Variants in CABIN1 observed in about 807,000 individuals in gnomAD.
CABIN1 encodes calcineurin-binding protein cabin-1.
CABIN1 carries 133 observed loss-of-function variants against 227.7 expected under a neutral mutation model. The ratio of observed to expected loss-of-function variants is 0.58; its 90% CI spans 0.51 to 0.67. The LOEUF (loss-of-function observed/expected upper bound fraction) is 0.67. Ranked by LOEUF, CABIN1 falls within the 30% of genes least tolerant of loss-of-function variation. The probability of loss-of-function intolerance (pLI) is 0.00; values close to 1 mark genes in which losing one functional copy is unlikely to be tolerated. For missense variants in CABIN1, 2,408 were observed against 2,852.5 expected, an observed-to-expected ratio of 0.84 and a Z score of 3.55; for synonymous variants, 1,086 against 1,155.1, an observed-to-expected ratio of 0.94 and a Z score of 1.21.
At position 24,166,933 on chromosome 22, in the gene CABIN1, G is replaced by A; in HGVS notation, c.5302G>A (p.Val1768Ile). 6.2e-7 allele frequency: 1 copy of A among 1,603,544 alleles called. No homozygotes were observed. The highest frequency in any genetic ancestry group is 8.5e-7 in the Non-Finnish European group (1 of 1,175,596). ...TEPMDTSEATVCHSDLERTPP... is the reference protein window; with the variant it reads ...TEPMDTSEATICHSDLERTPP... ...GCCCATGGACACGAGTGAGGCCACTGTTTGCCACTCAGACTTGGAGCGGAC... is the reference window on the plus strand; with the variant it reads ...GCCCATGGACACGAGTGAGGCCACTATTTGCCACTCAGACTTGGAGCGGAC... Residue 1768 changes from valine to isoleucine, a missense_variant, in exon 32 of 37, where the codon GTT becomes ATT. This residue lies in a region of CABIN1 where 714 missense variants were observed against 773.8 expected (regional missense o/e 0.92). Coordinates refer to ENST00000263119, the MANE Select transcript of CABIN1 (RefSeq NM_012295.4).
chr22:24,028,846 A>G (rs1248201134), intron 1 of CABIN1, among the ~76,000 whole-genome samples: 1 of 152,104 alleles, frequency 6.6e-6, no homozygotes, highest in Non-Finnish European at 1.5e-5. Flanking sequence ...TGGTACAAAG[A>G]TAAATAGGAC....
chr22:24,041,261 G>A lies in CABIN1; in HGVS notation c.333G>A (p.Glu111=), dbSNP rs1569109274. 26 of 1,614,110 alleles carry A rather than the reference G, an allele frequency of 1.6e-5. No individual in the cohort carries two copies. Among genetic ancestry groups the A allele is most frequent in the Non-Finnish European group, 2.2e-5 (26 of 1,180,048 alleles). ...GGGAGGATCTGGAGACAGCCATGGA[G>A]TTCTACTTAGAGGTGTGGTTTTGGC... is the stretch of plus-strand genomic sequence containing the variant. The part of the protein sequence containing the change: ...AQREDLETAM[E]FYLEAVMLDS... Residue 111 remains glutamate (E), a synonymous_variant, in exon 5 of 37, where the codon GAG becomes GAA. Coordinates refer to ENST00000263119, the MANE Select transcript of CABIN1 (RefSeq NM_012295.4).
chr22:24,119,228 G>A, intron 27 of CABIN1, 139 bp from the exon 28 acceptor site: 1 of 775,840 alleles, frequency 1.3e-6, no homozygotes. Flanking sequence ...CTGCTGCTGG[G>A]TCCAGCATCC....
At chr22:24,026,219 CTG>C (rs2036078426) in intron 1 of CABIN1, among the ~76,000 whole-genome samples, 1 of 152,170 alleles carries the variant, frequency 6.6e-6, no homozygotes, top group African/African-American at 2.4e-5. Flanking sequence ...AGCAATCATC[CTG>C]TGTTGGCCTC....
intron 19 of CABIN1, among the ~76,000 whole-genome samples, chr22:24,079,613 T>TTAGA (rs2040676165): frequency 4.6e-5 from 7 of 152,328 alleles, no homozygotes; most frequent in African/African-American, 1.4e-4. Flanking sequence ...TGGTATTTCA[T>TTAGA]TGTTCTTTAG....
chr22:24,059,053 A>T (rs371830571), intron 10 of CABIN1, among the ~76,000 whole-genome samples, 174 bp from the exon 11 acceptor site: 3 of 152,248 alleles, frequency 2.0e-5, no homozygotes, highest in African/African-American at 7.2e-5. Context: ...ATGCTGGCTC[A>T]TGAGGCCCTG....
At chr22:24,161,774 G>A (rs971278819) in intron 29 of CABIN1, among the ~76,000 whole-genome samples, 1 of 152,234 alleles carries the variant, frequency 6.6e-6, no homozygotes, top group Non-Finnish European at 1.5e-5. Flanking sequence ...ATGCAGTGGG[G>A]CTTCTGCTGT....
In CABIN1 at chr22:24,084,669, G is replaced by A. The variant is rs2041030060; in HGVS notation, c.3001G>A (p.Val1001Met). 5.0e-6 allele frequency: 8 copies of A among 1,614,104 alleles called. No individual in the cohort carries two copies. Among genetic ancestry groups the A allele is most frequent in the Non-Finnish European group, 6.8e-6 (8 of 1,179,988 alleles). Residue 1001 changes from valine to methionine, a missense_variant, in exon 21 of 37, where the codon GTG becomes ATG. This residue lies in a region of CABIN1 where 649 missense variants were observed against 910.3 expected (regional missense o/e 0.71). Transcript: ENST00000263119. ...PEFDSYKTST[V>M]SADLANLLKR... is the part of the protein sequence containing the mutation. ...ATTTGACAGCTATAAGACCAGCACCGTGTCTGCTGACTTGGCCAACCTACT... is the reference window on the plus strand; with the variant it reads ...ATTTGACAGCTATAAGACCAGCACCATGTCTGCTGACTTGGCCAACCTACT...
chr22:24,135,173 C>G (rs534047671), intron 29 of CABIN1, among the ~76,000 whole-genome samples: 182 of 152,118 alleles, frequency 1.2e-3, no homozygotes, highest in African/African-American at 4.3e-3. Flanking sequence ...GGCAGATCAT[C>G]TGAGGTCAGG....
At chr22:24,168,321 G>A (rs900454472) in intron 32 of CABIN1, 126 bp from the exon 33 acceptor site, 2 of 870,196 alleles carry the variant, frequency 2.3e-6, no homozygotes, top group Non-Finnish European at 1.9e-6. Context: ...CTGGGGTGTT[G>A]GGGGGCACCC....
intron 26 of CABIN1, among the ~76,000 whole-genome samples, chr22:24,110,637 A>C (rs1358410404): frequency 2.2e-4 from 1 of 4,482 alleles, no homozygotes; most frequent in African/African-American, 9.6e-4. Context: ...AAAAAAACAA[A>C]CCTTTTTTTT....
rs926481489 is a variant in CABIN1 at position 24,094,859 on chromosome 22, C to CATT, written c.3787-1071_3787-1069dup. Among the ~76,000 whole-genome samples, 7 of 150,186 alleles carry CATT rather than the reference C, an allele frequency of 4.7e-5. No individual in the cohort carries two copies. The East Asian group carries it at 1.4e-3, about 29-fold the overall frequency. On this transcript the variant is annotated intron_variant, in intron 24 of 36. Coordinates refer to ENST00000263119, the MANE Select transcript of CABIN1 (RefSeq NM_012295.4). ...AAAAAAAAAAAAGAAACAAAAATGA[C>CATT]ATTTCTCTGAAGATTTTTAACTCTG...
chr22:24,093,576 A>G (rs1040433038), intron 24 of CABIN1, among the ~76,000 whole-genome samples: 9 of 150,066 alleles, frequency 6.0e-5, no homozygotes, highest in Admixed American at 1.3e-4. Flanking sequence ...TCATTTAAAA[A>G]AAAATGTTTG....
chr22:24,178,301 C>A lies in CABIN1; in HGVS notation c.*105C>A. ...ACCAGAGGCCCACATGGATGCCACT[C>A]CCCACACAGCCCCCAGGCCTGCCCA... On this transcript the variant is annotated 3_prime_UTR_variant, in exon 37 of 37. Transcript: ENST00000263119. 2 of 1,406,802 alleles carry A rather than the reference C, an allele frequency of 1.4e-6. No homozygotes were observed. Among genetic ancestry groups the A allele is most frequent in the Non-Finnish European group, 2.0e-6 (2 of 1,024,066 alleles). The allele number at this position is 1,406,802 out of a possible 1,614,324, so 87.1% of individuals were successfully genotyped here.
chr22:24,053,915 G>A (rs2038570291), intron 8 of CABIN1, among the ~76,000 whole-genome samples: 1 of 152,140 alleles, frequency 6.6e-6, no homozygotes, highest in South Asian at 2.1e-4. Flanking sequence ...TCTAGGGGTT[G>A]GGGAAGGCTG....
At chr22:24,175,790 C>CATTAAAAAA in intron 34 of CABIN1, 1 of 473,336 alleles carries the variant, frequency 2.1e-6, no homozygotes, top group South Asian at 2.1e-5. Flanking sequence ...CATCCCCTCT[C>CATTAAAAAA]ACTGCCTTGT....
intron 11 of CABIN1, 110 bp downstream of exon 11, chr22:24,059,473 G>C: frequency 7.7e-7 from 1 of 1,306,098 alleles, no homozygotes; most frequent in East Asian, 2.5e-5. Flanking sequence ...TTTTTAGTGT[G>C]GCCAAGAGTC....
In CABIN1 at chr22:24,178,056, G is replaced by T. The variant is rs750464477; in HGVS notation, c.6523G>T (p.Ala2175Ser). 1 of 1,613,522 alleles carries T rather than the reference G, an allele frequency of 6.2e-7. No homozygotes were observed. Among genetic ancestry groups the T allele is most frequent in the African/African-American group, 1.3e-5 (1 of 74,898 alleles). Reference sequence around the variant, plus strand: ...CCCCGCCCGGCCCTCTCCGCAGTCAGCCATCCTTTCTGCCCAGTCTGCTGC... The same window carrying T: ...CCCCGCCCGGCCCTCTCCGCAGTCATCCATCCTTTCTGCCCAGTCTGCTGC... ...SEETKQKLKS[A>S]ILSAQSAANV... is the part of the protein sequence containing the mutation. Residue 2175 changes from alanine to serine, a missense_variant, in exon 37 of 37, where the codon GCC becomes TCC. This residue lies in a region of CABIN1 where 714 missense variants were observed against 773.8 expected (regional missense o/e 0.92). Coordinates refer to ENST00000263119, the MANE Select transcript of CABIN1 (RefSeq NM_012295.4).
chr22:24,176,197 A>G lies in CABIN1; in HGVS notation c.6127A>G (p.Thr2043Ala), dbSNP rs756613415. The G allele has an allele frequency of 1.2e-6, 2 of 1,611,132 alleles. No homozygotes were observed. Among genetic ancestry groups the G allele is most frequent in the African/African-American group, 1.3e-5 (1 of 75,020 alleles). The change falls in exon 35 of 37, where the codon ACA becomes GCA. Residue 2043 changes from threonine to alanine, a missense_variant. Physicochemically the swap from Thr to Ala is moderately conservative, Grantham distance 58. Transcript: ENST00000263119. ...RHSPQVKMAP[T>A]SSPAEPHCWP... ...CAGTCCGCAGGTGAAGATGGCCCCC[A>G]CAAGTTCCCCGGCAGAGCCACACTG...
Sources: gnomAD v4.1 joint callset for allele counts (sites outside exome capture counted in the v4.1 genomes callset) on GRCh38, gnomAD v4.1.1 for gene constraint, gnomAD v4.1.1 regional missense constraint, MANE v1.5 for transcripts, NCBI Gene and HGNC (gene_info 2026-07-23, HGNC 2026-07-21) for gene names.